Variants in TRPM7 observed in about 807,000 individuals in gnomAD.
TRPM7 encodes transient receptor potential cation channel subfamily M member 7.
TRPM7 carries 134 observed loss-of-function variants against 229.7 expected under a neutral mutation model. The observed-to-expected ratio is 0.58, with a 90% CI of 0.51 to 0.67. The LOEUF is 0.67. TRPM7 is among the 30% of genes least tolerant of loss of function. The pLI is 0.00. For missense variants in TRPM7, 1,901 were observed against 2,210.0 expected, an observed-to-expected ratio of 0.86 and a Z score of 2.80; for synonymous variants, 699 against 715.2, an observed-to-expected ratio of 0.98 and a Z score of 0.36.
At chr15:50,613,618 A>C (rs1244642654) in intron 15 of TRPM7, 89 bp downstream of exon 15, 2 of 1,208,072 alleles carry the variant, frequency 1.7e-6, no homozygotes, top group Non-Finnish European at 2.2e-6. Context: ...TTCTTACTAA[A>C]TCAATTAGTT....
chr15:50,679,680 C>T (rs1361235529), intron 1 of TRPM7, among the ~76,000 whole-genome samples: 2 of 150,452 alleles, frequency 1.3e-5, no homozygotes, highest in African/African-American at 2.5e-5. Context: ...GGATTACAGG[C>T]GCACACCATC....
At chr15:50,679,733 C>T (rs1302358403) in intron 1 of TRPM7, among the ~76,000 whole-genome samples, 1 of 150,882 alleles carries the variant, frequency 6.6e-6, no homozygotes, top group East Asian at 2.0e-4. Context: ...GTGGGGTTAT[C>T]TACGTTGGCC....
chr15:50,643,251 T>C, intron 5 of TRPM7, 89 bp downstream of exon 5: 2 of 1,073,854 alleles, frequency 1.9e-6, no homozygotes, highest in Non-Finnish European at 2.8e-6. Context: ...ATTGTGCCAT[T>C]GCACTCCAGC....
At chr15:50,589,847 T>TTTTTTTTG (rs200417073) in intron 26 of TRPM7, among the ~76,000 whole-genome samples, 191 bp from the exon 27 acceptor site, 12,111 of 129,738 alleles carry the variant, frequency 0.093, 798 homozygotes, top group African/African-American at 0.2. Context: ...AAGGTTACAG[T>TTTTTTTTG]TTTTTTTGTT....
intron 12 of TRPM7, 76 bp from the exon 13 acceptor site, chr15:50,619,874 C>T (rs1014923330): frequency 6.7e-6 from 8 of 1,195,870 alleles, no homozygotes; most frequent in Non-Finnish European, 9.6e-6. Flanking sequence ...TTTTTATGAA[C>T]CTTCTTATAC....
chr15:50,622,488 C>A (rs2060439021), intron 12 of TRPM7, among the ~76,000 whole-genome samples: 1 of 152,122 alleles, frequency 6.6e-6, no homozygotes, highest in Non-Finnish European at 1.5e-5. Context: ...CAGGTATAAA[C>A]CTTACTACAG....
intron 36 of TRPM7, among the ~76,000 whole-genome samples, chr15:50,572,066 T>G (rs1012284983): frequency 2.0e-5 from 3 of 152,160 alleles, no homozygotes; most frequent in Non-Finnish European, 2.9e-5. Context: ...GAGGACTGCT[T>G]GAGGCCAGGA....
At chr15:50,686,501 T>G (rs750962321) in intron 1 of TRPM7, 30 bp downstream of exon 1, 1 of 1,613,376 alleles carries the variant, frequency 6.2e-7, no homozygotes, top group South Asian at 1.1e-5. Flanking sequence ...CCAGAACCAT[T>G]CCCCGCCCGG....
chr15:50,654,544 A>G (rs935871701), intron 3 of TRPM7, among the ~76,000 whole-genome samples: 2 of 151,452 alleles, frequency 1.3e-5, no homozygotes, highest in African/African-American at 4.8e-5. Context: ...GAATCAGTAG[A>G]CAAAGACTCT....
At position 50,654,320 on chromosome 15, in the gene TRPM7, G is replaced by A. The variant is rs776709821; in HGVS notation, c.122+3461C>T. Among the ~76,000 whole-genome samples, 40 of 151,130 alleles carry A rather than the reference G, an allele frequency of 2.6e-4. 3 individuals carry two copies. The highest frequency in any genetic ancestry group is 4.7e-4 in the Non-Finnish European group (32 of 67,592). ...AAATTAGCTGGGCGTGGTGGTGTGC[G>A]CCTGTAATCCCAGCTACTCGGGAGG... On this transcript the variant is annotated intron_variant, in intron 3 of 38. Coordinates refer to ENST00000646667, the MANE Select transcript of TRPM7 (RefSeq NM_017672.6).
chr15:50,679,515 TA>T (rs1567129212), intron 1 of TRPM7, among the ~76,000 whole-genome samples: 42 of 49,408 alleles, frequency 8.5e-4, no homozygotes, highest in Admixed American at 1.4e-3. Context: ...ATATATAATA[TA>T]TATATATATA....
intron 11 of TRPM7, among the ~76,000 whole-genome samples, chr15:50,625,896 T>C (rs1350245653): frequency 6.6e-6 from 1 of 152,088 alleles, no homozygotes; most frequent in Non-Finnish European, 1.5e-5. Context: ...TAGGCTGTAG[T>C]TTATCATGGC....
chr15:50,676,703 G>A (rs2062100576), intron 1 of TRPM7, among the ~76,000 whole-genome samples: 1 of 152,036 alleles, frequency 6.6e-6, no homozygotes. Flanking sequence ...CTTTTTGCCT[G>A]AAAACAGTCC....
chr15:50,623,468 A>G (rs564552403), intron 12 of TRPM7, among the ~76,000 whole-genome samples: 26 of 148,570 alleles, frequency 1.8e-4, no homozygotes, highest in Middle Eastern at 3.5e-3. Context: ...GTAGACATTT[A>G]CCATCTTATT....
chr15:50,568,518 A>T (rs1043199586), intron 38 of TRPM7, among the ~76,000 whole-genome samples: 6 of 152,178 alleles, frequency 3.9e-5, no homozygotes, highest in African/African-American at 1.2e-4. Flanking sequence ...TACATACCTA[A>T]TAATGCTTAT....
chr15:50,635,989 A>G (rs2060892165), intron 7 of TRPM7, among the ~76,000 whole-genome samples: 1 of 151,986 alleles, frequency 6.6e-6, no homozygotes, highest in African/African-American at 2.4e-5. Flanking sequence ...AAAAAAAGAA[A>G]AAAAAAATTA....
At chr15:50,651,493 A>G (rs79773803) in intron 3 of TRPM7, among the ~76,000 whole-genome samples, 2,181 of 152,048 alleles carry the variant, frequency 0.014, 61 homozygotes, top group African/African-American at 0.051. Flanking sequence ...AAAATAAAAA[A>G]AATTTAAAGA....
chr15:50,632,895 T>C lies in TRPM7; in HGVS notation c.1105A>G (p.Met369Val), dbSNP rs146964608. ...AGCTCCTTTCTTTTCATGCACTCCA[T>C]CAGTGTTTGAAATAAATGAAGTGCT... ...NEALHLFQTL[M>V]ECMKRKELIT... Residue 369 changes from methionine (M) to valine (V), a missense_variant, in exon 9 of 39, where the codon ATG becomes GTG. Met to Val is a conservative substitution (Grantham distance 21). Around this residue, in one of 8 missense-constraint regions of TRPM7, gnomAD observed 794 missense variants for 881.9 expected, o/e 0.90. Transcript: ENST00000646667. 5.7e-6 allele frequency: 9 copies of C among 1,583,782 alleles called. No individual in the cohort carries two copies. The South Asian group carries it at 1.0e-4, about 18-fold the overall frequency.
At chr15:50,677,899 CTAA>C (rs2062132303) in intron 1 of TRPM7, among the ~76,000 whole-genome samples, 1 of 151,882 alleles carries the variant, frequency 6.6e-6, no homozygotes, top group Non-Finnish European at 1.5e-5. Context: ...AAATTGCCTA[CTAA>C]TAAAGTTCAT....
Sources: allele counts gnomAD v4.1 joint callset (sites outside exome capture counted in the v4.1 genomes callset), GRCh38; gene constraint gnomAD v4.1.1; regional missense constraint gnomAD v4.1.1; transcripts MANE v1.5; gene names NCBI Gene and HGNC (gene_info 2026-07-23, HGNC 2026-07-21).